Variants in BABAM2 observed in about 807,000 individuals in gnomAD.
The protein encoded by BABAM2 is BRISC and BRCA1-A complex member 2.
Under a neutral mutation model 54.7 loss-of-function variants are expected in BABAM2, and 31 were observed. The observed-to-expected ratio is 0.57, with a 90% confidence interval of 0.43 to 0.77. The LOEUF (loss-of-function observed/expected upper bound fraction) is 0.77, where lower values mean the gene tolerates loss of function less well. Ranked by LOEUF, BABAM2 falls within the 30% of genes least tolerant of loss-of-function variation. BABAM2 has a pLI of 0.00. For synonymous variants in BABAM2, 167 were observed against 162.9 expected (o/e 1.03, Z -0.19); for missense variants, 364 against 455.8 (o/e 0.80, Z 1.83).
intron 3 of BABAM2, among the ~76,000 whole-genome samples, chr2:27,937,600 A>G (rs1252605241): frequency 6.6e-6 from 1 of 152,156 alleles, no homozygotes; most frequent in African/African-American, 2.4e-5. Flanking sequence ...ATACTGGTTG[A>G]CCATTTATAT....
chr2:28,191,988 A>G (rs1310357892), intron 7 of BABAM2, among the ~76,000 whole-genome samples: 1 of 152,244 alleles, frequency 6.6e-6, no homozygotes, highest in African/African-American at 2.4e-5. Flanking sequence ...AGCTGTTTTC[A>G]ACATGAGCTC....
At chr2:28,218,564 C>T (rs548825955) in intron 7 of BABAM2, among the ~76,000 whole-genome samples, 2 of 152,074 alleles carry the variant, frequency 1.3e-5, no homozygotes, top group African/African-American at 2.4e-5. Flanking sequence ...TGTGTCTGTC[C>T]TGAGTATAAC....
Position 28,112,178 on chromosome 2 carries a change from C to T in BABAM2, c.571-17093C>T, listed in dbSNP as rs1558347089. ...CCCTCCCTCCCTCCCTCCCTCCCTC[C>T]CTCCCTCCCTCCCTCCCTCCCTTCC... On this transcript the variant is annotated intron_variant, in intron 6 of 11. Coordinates refer to ENST00000379624, the MANE Select transcript of BABAM2 (RefSeq NM_199191.3). Among the ~76,000 whole-genome samples the T allele has an allele frequency of 2.6e-4, 16 of 62,514 alleles. 2 individuals carry two copies. Among genetic ancestry groups the T allele is most frequent in the Admixed American group, 3.5e-4 (2 of 5,768 alleles). 41.0% of individuals were successfully genotyped at this position (62,514 alleles called of 152,430 possible).
chr2:28,310,548 A>G (rs1688981907), intron 11 of BABAM2: 1 of 170,642 alleles, frequency 5.9e-6, no homozygotes, highest in Admixed American at 5.8e-5. Context: ...CACAAGCCAG[A>G]AGAAGCTGCA....
chr2:27,973,286 T>C (rs1671354725), intron 3 of BABAM2, among the ~76,000 whole-genome samples: 1 of 152,164 alleles, frequency 6.6e-6, no homozygotes, highest in Non-Finnish European at 1.5e-5. Context: ...AAAATTTGTT[T>C]ATCTTTTCTT....
At chr2:28,210,397 G>A (rs1454664259) in intron 7 of BABAM2, among the ~76,000 whole-genome samples, 1 of 152,190 alleles carries the variant, frequency 6.6e-6, no homozygotes, top group Non-Finnish European at 1.5e-5. Flanking sequence ...TGGTGTACCA[G>A]AAGAATAGAA....
intron 7 of BABAM2, among the ~76,000 whole-genome samples, chr2:28,174,376 A>G (rs1374335148): frequency 6.6e-6 from 1 of 152,250 alleles, no homozygotes; most frequent in Non-Finnish European, 1.5e-5. Flanking sequence ...GCAAGGCTTC[A>G]AGAGGGCTGA....
intron 11 of BABAM2, among the ~76,000 whole-genome samples, chr2:28,315,031 AG>A (rs1192284182): frequency 1.5e-4 from 16 of 108,896 alleles, no homozygotes; most frequent in African/African-American, 3.8e-4. Context: ...AAGGAGAGAG[AG>A]AGAAGAAAGA....
At chr2:28,324,249 C>T (rs1440864007) in intron 11 of BABAM2, among the ~76,000 whole-genome samples, 1 of 152,014 alleles carries the variant, frequency 6.6e-6, no homozygotes, top group African/African-American at 2.4e-5. Context: ...AACACGAAAT[C>T]AAAAAATTTT....
intron 3 of BABAM2, among the ~76,000 whole-genome samples, chr2:27,982,737 A>G (rs1163904734): frequency 1.3e-5 from 2 of 151,756 alleles, no homozygotes; most frequent in Admixed American, 6.6e-5. Context: ...TCATTATAGT[A>G]TTTGTCTTTT....
intron 4 of BABAM2, among the ~76,000 whole-genome samples, chr2:28,012,210 C>G (rs768784148): frequency 2.6e-5 from 4 of 152,162 alleles, no homozygotes; most frequent in Admixed American, 6.5e-5. Context: ...GATATTCGAG[C>G]AACCTGGAAA....
At chr2:27,901,739 C>T (rs189334988) in intron 2 of BABAM2, among the ~76,000 whole-genome samples, 20 of 152,232 alleles carry the variant, frequency 1.3e-4, no homozygotes, top group Middle Eastern at 3.4e-3. Flanking sequence ...CGCCCAATCT[C>T]GTCTGAAGAT....
intron 6 of BABAM2, among the ~76,000 whole-genome samples, chr2:28,068,963 G>A (rs1368589154): frequency 6.6e-6 from 1 of 152,214 alleles, no homozygotes; most frequent in Admixed American, 6.5e-5. Flanking sequence ...ATGAGAGTGT[G>A]AAGGGGTACA....
chr2:27,941,555 CAAA>C (rs1213873898), intron 3 of BABAM2, among the ~76,000 whole-genome samples: 1 of 118,278 alleles, frequency 8.5e-6, no homozygotes. Context: ...GACTCCGTCT[CAAA>C]AAAAAAAAAA....
intron 6 of BABAM2, among the ~76,000 whole-genome samples, chr2:28,061,405 G>A (rs996084648): frequency 6.6e-6 from 1 of 151,778 alleles, no homozygotes; most frequent in African/African-American, 2.4e-5. Context: ...CTAATACGGT[G>A]AAACCTTGTC....
chr2:27,907,921 A>G (rs1400010214), intron 2 of BABAM2, among the ~76,000 whole-genome samples: 1 of 152,186 alleles, frequency 6.6e-6, no homozygotes, highest in African/African-American at 2.4e-5. Flanking sequence ...CCATTCATCT[A>G]TTGATAGACA....
chr2:28,138,396 C>T (rs952266754), intron 7 of BABAM2, among the ~76,000 whole-genome samples: 1 of 152,156 alleles, frequency 6.6e-6, no homozygotes, highest in Non-Finnish European at 1.5e-5. Flanking sequence ...AGCAGATTGA[C>T]ACAGACCTCT....
chr2:28,320,115 TTTGA>T (rs1689904590), intron 11 of BABAM2, among the ~76,000 whole-genome samples: 2 of 152,216 alleles, frequency 1.3e-5, no homozygotes, highest in Non-Finnish European at 2.9e-5. Flanking sequence ...ATGGGCAAAC[TTTGA>T]AAGACTCCTG....
At chr2:27,922,770 A>G (rs1334830186) in intron 2 of BABAM2, among the ~76,000 whole-genome samples, 1 of 152,232 alleles carries the variant, frequency 6.6e-6, no homozygotes. Context: ...GATGAAATAT[A>G]GTTGAGAGAC....
Sources: gnomAD v4.1 joint callset for allele counts (sites outside exome capture counted in the v4.1 genomes callset) on GRCh38, gnomAD v4.1.1 for gene constraint, MANE v1.5 for transcripts, NCBI Gene and HGNC (gene_info 2026-07-23, HGNC 2026-07-21) for gene names.